CIMAP2: variants seen among roughly 807,000 people sequenced by gnomAD.
CIMAP2 encodes ciliary microtubule-associated protein 2.
the CIMAP2 span, among the ~76,000 whole-genome samples, chr1:54,807,298 AAG>A: frequency 6.6e-6 from 1 of 152,188 alleles, no homozygotes; most frequent in Non-Finnish European, 1.5e-5. Flanking sequence ...TGGGCTCTTG[AAG>A]GAGTTGTTAT....
At chr1:54,828,477 A>G in the CIMAP2 span, among the ~76,000 whole-genome samples, 517 of 152,170 alleles carry the variant, frequency 3.4e-3, 3 homozygotes, top group Non-Finnish European at 4.9e-3. Flanking sequence ...GACTACAGGC[A>G]TGTGCCACCA....
At chr1:54,815,113 C>G in the CIMAP2 span, 1 of 1,575,506 alleles carries the variant, frequency 6.3e-7, no homozygotes, top group Non-Finnish European at 8.7e-7. Context: ...GCCTCTTTGT[C>G]CCCAGGTAAC....
At chr1:54,817,113 T>C in the CIMAP2 span, 51 of 1,613,868 alleles carry the variant, frequency 3.2e-5, no homozygotes, top group Non-Finnish European at 4.3e-5. Context: ...GCCCGGGACA[T>C]GCTCATGCAG....
At chr1:54,806,860 A>G in the CIMAP2 span, 1 of 807,942 alleles carries the variant, frequency 1.2e-6, no homozygotes, top group Non-Finnish European at 2.1e-6. Context: ...AGCCACTGCA[A>G]CTCCACTACT....
the CIMAP2 span, among the ~76,000 whole-genome samples, chr1:54,818,198 TC>T: frequency 2.0e-5 from 3 of 152,204 alleles, no homozygotes; most frequent in Non-Finnish European, 2.9e-5. Context: ...GTCTGTTTCA[TC>T]CTTTGTGCTG....
chr1:54,812,722 G>A, the CIMAP2 span, among the ~76,000 whole-genome samples: 1 of 152,168 alleles, frequency 6.6e-6, no homozygotes, highest in Admixed American at 6.5e-5. Flanking sequence ...CTGGAATTAG[G>A]TTTTGTCTAA....
chr1:54,821,984 C>T, the CIMAP2 span, among the ~76,000 whole-genome samples: 4 of 99,740 alleles, frequency 4.0e-5, no homozygotes, highest in East Asian at 4.0e-4. Context: ...CTGCAAGCTC[C>T]GCCTCCCGGG....
chr1:54,817,182 G>A, the CIMAP2 span: 1 of 1,594,336 alleles, frequency 6.3e-7, no homozygotes. Flanking sequence ...TTACTCTGGG[G>A]TGGGCTGGTG....
chr1:54,807,022 A>G, the CIMAP2 span: 34 of 1,613,918 alleles, frequency 2.1e-5, no homozygotes, highest in Non-Finnish European at 2.6e-5. Flanking sequence ...GTTTATCCCA[A>G]CTGGAAGAAG....
the CIMAP2 span, among the ~76,000 whole-genome samples, chr1:54,822,382 G>GT: frequency 0.24 from 34,114 of 142,482 alleles, 4,188 homozygotes; most frequent in East Asian, 0.34. Context: ...CTTTGTATTG[G>GT]TTTTTTTTTT....
chr1:54,832,465 T>C, the CIMAP2 span, among the ~76,000 whole-genome samples: 1 of 152,140 alleles, frequency 6.6e-6, no homozygotes, highest in Non-Finnish European at 1.5e-5. Context: ...AACCAAGTAC[T>C]TGGAAAGTGG....
the CIMAP2 span, among the ~76,000 whole-genome samples, chr1:54,840,369 G>T: frequency 4.6e-5 from 7 of 152,196 alleles, no homozygotes; most frequent in African/African-American, 1.7e-4. Flanking sequence ...GACACAGTTT[G>T]TTTATCCATT....
At chr1:54,827,831 A>C in the CIMAP2 span, among the ~76,000 whole-genome samples, 1 of 152,224 alleles carries the variant, frequency 6.6e-6, no homozygotes, top group East Asian at 1.9e-4. Flanking sequence ...CTTAAAATGC[A>C]TGACATCCAG....
At chr1:54,817,046 C>A in the CIMAP2 span, 2 of 1,614,148 alleles carry the variant, frequency 1.2e-6, no homozygotes, top group East Asian at 4.5e-5. Flanking sequence ...AAAGGACAGG[C>A]GGCAGCGATA....
the CIMAP2 span, chr1:54,807,058 A>G: frequency 1.2e-6 from 2 of 1,613,590 alleles, no homozygotes; most frequent in African/African-American, 2.7e-5. Context: ...GAGGCCCCAT[A>G]CTCCACGCGT....
the CIMAP2 span, chr1:54,842,025 C>A: frequency 1.3e-6 from 1 of 741,322 alleles, no homozygotes. Context: ...ATCACCTTTG[C>A]CAGAGCTGCA....
At chr1:54,840,058 T>G in the CIMAP2 span, among the ~76,000 whole-genome samples, 113,461 of 152,170 alleles carry the variant, frequency 0.75, 43,507 homozygotes, top group Middle Eastern at 0.85. Flanking sequence ...CCCAATTCTA[T>G]GAGTTTTGAC....
the CIMAP2 span, chr1:54,811,772 T>TTTCCCCCCCCCCCCCC: frequency 4.4e-6 from 2 of 454,868 alleles, no homozygotes; most frequent in East Asian, 4.7e-5. Context: ...ACAGCCTCCA[T>TTTCCCCCCCCCCCCCC]GCCCCCACCC....
At chr1:54,835,014 T>C in the CIMAP2 span, among the ~76,000 whole-genome samples, 4 of 152,242 alleles carry the variant, frequency 2.6e-5, no homozygotes, top group African/African-American at 9.6e-5. Flanking sequence ...GCCATGAGTA[T>C]ACCTTCTCCT....
Sources: allele counts gnomAD v4.1 joint callset (sites outside exome capture counted in the v4.1 genomes callset), GRCh38; gene constraint gnomAD v4.1.1; transcripts MANE v1.5; gene names NCBI Gene and HGNC (gene_info 2026-07-23, HGNC 2026-07-21).